Variants in PRKN observed in about 807,000 individuals in gnomAD.
PRKN encodes parkin RBR E3 ubiquitin protein ligase, also known as E3 ubiquitin-protein ligase parkin.
PRKN carries 56 observed loss-of-function variants against 59.5 expected under a neutral mutation model. The observed-to-expected ratio is 0.94, with a 90% confidence interval of 0.76 to 1.18. The LOEUF is 1.18. Among genes scored for constraint, PRKN ranks in the 50% most tolerant of loss-of-function variants. The pLI is 0.00. For synonymous variants in PRKN, 250 were observed against 222.1 expected, an observed-to-expected ratio of 1.13 and a Z score of -1.12; for missense variants, 657 against 596.4, an observed-to-expected ratio of 1.10 and a Z score of -1.06.
chr6:161,805,630 C>T (rs538898194), intron 6 of PRKN, among the ~76,000 whole-genome samples: 1 of 152,310 alleles, frequency 6.6e-6, no homozygotes, highest in Admixed American at 6.5e-5. Context: ...CTACCCCCGG[C>T]TCCTCTGTGT....
chr6:162,552,881 T>A (rs1779386092), intron 1 of PRKN, among the ~76,000 whole-genome samples: 1 of 152,066 alleles, frequency 6.6e-6, no homozygotes, highest in African/African-American at 2.4e-5. Context: ...ATCGTAGATG[T>A]AGGAGAAAAA....
chr6:161,381,662 C>G (rs950927638), intron 10 of PRKN, among the ~76,000 whole-genome samples: 1 of 152,162 alleles, frequency 6.6e-6, no homozygotes, highest in Non-Finnish European at 1.5e-5. Flanking sequence ...ACTGTCTATT[C>G]TTTTCCTGTA....
chr6:161,754,601 G>C (rs1788834642), intron 7 of PRKN, among the ~76,000 whole-genome samples: 1 of 152,082 alleles, frequency 6.6e-6, no homozygotes, highest in African/African-American at 2.4e-5. Flanking sequence ...GAGGGATGGG[G>C]GCTGAGCCCT....
At chr6:162,095,421 G>T (rs1000419205) in intron 4 of PRKN, among the ~76,000 whole-genome samples, 1 of 152,084 alleles carries the variant, frequency 6.6e-6, no homozygotes, top group African/African-American at 2.4e-5. Flanking sequence ...TTTGAATTTG[G>T]TATGCAGCAC....
At chr6:161,735,780 T>C (rs1787938729) in intron 7 of PRKN, among the ~76,000 whole-genome samples, 1 of 152,038 alleles carries the variant, frequency 6.6e-6, no homozygotes, top group Non-Finnish European at 1.5e-5. Flanking sequence ...CTGGGTGTGA[T>C]GGAGGGCGCC....
intron 7 of PRKN, among the ~76,000 whole-genome samples, chr6:161,603,552 C>A (rs1165349664): frequency 6.6e-6 from 1 of 152,152 alleles, no homozygotes; most frequent in African/African-American, 2.4e-5. Context: ...CTTAGTTTAT[C>A]TTTTAACACT....
rs1345233317 is a variant in PRKN at position 161,361,624 on chromosome 6, C to T, written c.1168-1419G>A. Among the ~76,000 whole-genome samples, 1 of 152,212 alleles carries T rather than the reference C, an allele frequency of 6.6e-6. No individual in the cohort carries two copies. Among genetic ancestry groups the T allele is most frequent in the Non-Finnish European group, 1.5e-5 (1 of 68,040 alleles). On this transcript the variant is annotated intron_variant, in intron 10 of 11. Coordinates refer to ENST00000366898, the MANE Select transcript of PRKN (RefSeq NM_004562.3). The surrounding 1 kb of genome is among the most constrained non-coding windows in gnomAD (Gnocchi z 5.2). ...ATCCCTGACAGTGGTGGGGGCACCA[C>T]AGACAAGCTTTGCCTAGGGCTGGTC...
At chr6:161,437,818 A>G (rs1788997934) in intron 9 of PRKN, among the ~76,000 whole-genome samples, 1 of 152,210 alleles carries the variant, frequency 6.6e-6, no homozygotes, top group Admixed American at 6.5e-5. Context: ...AATAAGCATA[A>G]CGTAGTCAAA....
At chr6:162,340,355 G>A (rs2128127948) in intron 2 of PRKN, among the ~76,000 whole-genome samples, 1 of 152,132 alleles carries the variant, frequency 6.6e-6, no homozygotes, top group African/African-American at 2.4e-5. Context: ...TCTGAAAATT[G>A]GATGAAAAAA....
chr6:161,438,325 C>A (rs9458251), intron 9 of PRKN, among the ~76,000 whole-genome samples: 37,387 of 146,762 alleles, frequency 0.25, 4,907 homozygotes, highest in Middle Eastern at 0.33. Flanking sequence ...TCAAGTGATT[C>A]TCCTGCCTCA....
At chr6:161,805,352 C>A (rs765200932) in intron 6 of PRKN, among the ~76,000 whole-genome samples, 4 of 152,104 alleles carry the variant, frequency 2.6e-5, no homozygotes, top group Non-Finnish European at 4.4e-5. Context: ...ACCTTATACC[C>A]TCATCACATC....
intron 2 of PRKN, among the ~76,000 whole-genome samples, chr6:162,285,135 T>C (rs541567760): frequency 6.6e-6 from 1 of 152,194 alleles, no homozygotes; most frequent in African/African-American, 2.4e-5. Context: ...AAAATAAACA[T>C]ATTATTTATT....
intron 2 of PRKN, among the ~76,000 whole-genome samples, chr6:162,369,626 G>C (rs148950552): frequency 6.6e-6 from 1 of 152,114 alleles, no homozygotes; most frequent in Non-Finnish European, 1.5e-5. Flanking sequence ...TTCAAATTAA[G>C]TCCAACAGTC....
At chr6:162,333,477 T>G (rs1292950730) in intron 2 of PRKN, among the ~76,000 whole-genome samples, 2 of 152,192 alleles carry the variant, frequency 1.3e-5, no homozygotes, top group Admixed American at 1.3e-4. Flanking sequence ...ACTTTTCCAC[T>G]ATCATTATAT....
intron 7 of PRKN, among the ~76,000 whole-genome samples, chr6:161,747,934 G>A (rs1350774992): frequency 6.6e-6 from 1 of 152,158 alleles, no homozygotes; most frequent in Admixed American, 6.5e-5. Flanking sequence ...ACTATAAGGA[G>A]AAAATATAAC....
At chr6:162,019,656 G>A (rs866655880) in intron 5 of PRKN, among the ~76,000 whole-genome samples, 7 of 152,276 alleles carry the variant, frequency 4.6e-5, no homozygotes, top group Middle Eastern at 3.4e-3. Context: ...CTTGGTCCAC[G>A]CTTTGTTAGC....
At chr6:162,284,246 T>TA (rs1781074113) in intron 2 of PRKN, among the ~76,000 whole-genome samples, 2 of 127,812 alleles carry the variant, frequency 1.6e-5, no homozygotes, top group African/African-American at 6.0e-5. Context: ...TTTTTTGAGA[T>TA]AGAGTTTTGC....
chr6:162,118,347 A>G (rs1180883066), intron 4 of PRKN, among the ~76,000 whole-genome samples: 1 of 152,022 alleles, frequency 6.6e-6, no homozygotes, highest in African/African-American at 2.4e-5. Flanking sequence ...TGGAGCTTGC[A>G]GTGAGCCGAG....
chr6:161,777,739 GTATATATAGATATA>G (rs1789994785), intron 7 of PRKN, among the ~76,000 whole-genome samples: 1 of 134,688 alleles, frequency 7.4e-6, no homozygotes, highest in Admixed American at 7.7e-5. Context: ...ATCTATATAT[GTATATATAGATATA>G]TATGTATATG....
Sources: allele counts gnomAD v4.1 joint callset (sites outside exome capture counted in the v4.1 genomes callset), GRCh38; gene constraint gnomAD v4.1.1; non-coding constraint Gnocchi (gnomAD v3.1); transcripts MANE v1.5; gene names NCBI Gene and HGNC (gene_info 2026-07-23, HGNC 2026-07-21).